Variants in PANK4 observed in about 807,000 individuals in gnomAD.
PANK4 encodes the protein 4'-phosphopantetheine phosphatase.
A neutral mutation model predicts 87.9 loss-of-function variants in PANK4; 40 were observed. The ratio of observed to expected loss-of-function variants is 0.46; its 90% CI spans 0.35 to 0.59. PANK4 has a LOEUF of 0.59. PANK4 is among the 20% of genes least tolerant of loss of function. The pLI is 0.00. For synonymous variants in PANK4, 524 were observed against 467.4 expected (o/e 1.12, Z -1.56); for missense variants, 926 against 1,072.3 (o/e 0.86, Z 1.90).
Position 2,510,739 on chromosome 1 carries a change from C to T in PANK4, c.1877G>A (p.Gly626Glu). Reference protein sequence around the residue: ...KCALIFADNSGIDIILGVFPF... With the variant: ...KCALIFADNSEIDIILGVFPF... ...GAAGACTCCCAAAATGATGTCTATT[C>T]CACTGTTATCTGCGAAAATTAAGGC... The change falls in exon 16 of 19, where the codon GGA becomes GAA. Residue 626 changes from glycine to glutamate, a missense_variant. Coordinates refer to ENST00000378466, the MANE Select transcript of PANK4 (RefSeq NM_018216.4). The surrounding 1 kb of genome is among the most constrained non-coding windows in gnomAD (Gnocchi z 4.9). The T allele has an allele frequency of 6.2e-7, 1 of 1,612,612 alleles. No homozygotes were observed. Among genetic ancestry groups the T allele is most frequent in the South Asian group, 1.1e-5 (1 of 91,066 alleles).
rs1239492419 is a variant in PANK4 at position 2,519,176 on chromosome 1, G to A, written c.1002C>T (p.Arg334=). The A allele has an allele frequency of 6.2e-7, 1 of 1,612,752 alleles. No homozygotes were observed. Among genetic ancestry groups the A allele is most frequent in the Non-Finnish European group, 8.5e-7 (1 of 1,179,916 alleles). Residue 334 remains arginine (R), a synonymous_variant, in exon 7 of 19, where the codon CGC becomes CGT. Transcript: ENST00000378466. The surrounding 1 kb of genome is among the most constrained non-coding windows in gnomAD (Gnocchi z 8.3). ...AGAAGTTGATGCTATAGGTGATGGT[G>A]CGCATGGTCACGGGGTGGCCCCGGA... ...FFIRGHPVTM[R]TITYSINFFS...
In PANK4 at chr1:2,508,902, C is replaced by T. The variant is rs1322436100; in HGVS notation, c.2267G>A (p.Arg756Gln). ...AVIKNAWLAE[R>Q]LGGRLFSVIF... is the part of the protein sequence containing the mutation. ...GACGCTGAAGAGCCGGCCGCCCAGC[C>T]GCTCGGCCAGCCACGCGTTCTTGAT... Residue 756 changes from arginine (R) to glutamine (Q), a missense_variant, in exon 19 of 19, where the codon CGG (arginine) becomes CAG (glutamine). Transcript: ENST00000378466. This position sits in a 1 kb window ranked among gnomAD's most constrained non-coding sequence, Gnocchi z 5.1. The T allele has an allele frequency of 2.5e-6, 4 of 1,609,622 alleles. No individual in the cohort carries two copies. Among genetic ancestry groups the T allele is most frequent in the Non-Finnish European group, 3.4e-6 (4 of 1,178,470 alleles).
Position 2,511,392 on chromosome 1 carries a change from G to C in PANK4, c.1784-5C>G. 1.2e-6 allele frequency: 2 copies of C among 1,605,908 alleles called. No homozygotes were observed. The highest frequency in any genetic ancestry group is 1.7e-6 in the Non-Finnish European group (2 of 1,173,454). On this transcript the variant is annotated splice_region_variant and splice_polypyrimidine_tract_variant and intron_variant, in intron 14 of 18. Transcript: ENST00000378466. ...AATCCACGAGCCAGGGTCTTTCTGA[G>C]ACAGAGAGAGGGACACATGATTAGC...
chr1:2,511,741 G>A, intron 13 of PANK4, 58 bp from the exon 14 acceptor site: 2 of 1,043,818 alleles, frequency 1.9e-6, no homozygotes, highest in South Asian at 1.3e-5. Flanking sequence ...TTCAGCCACA[G>A]TGCTCAATGT....
Position 2,515,885 on chromosome 1 carries a change from G to T in PANK4, c.1219-168C>A. On this transcript the variant is annotated intron_variant, in intron 9 of 18. Transcript: ENST00000378466. This position sits in a 1 kb window ranked among gnomAD's most constrained non-coding sequence, Gnocchi z 5.0. ...CACTGGGCCCCCTCAGCTGCCCGGC[G>T]GCCTGAGCCGGATACCTTGACTTAC... 2 of 682,810 alleles carry T rather than the reference G, an allele frequency of 2.9e-6. No homozygotes were observed. The highest frequency in any genetic ancestry group is 4.9e-6 in the Non-Finnish European group (2 of 406,866). The allele number at this position is 682,810 out of a possible 1,614,324, so 42.3% of individuals were successfully genotyped here.
chr1:2,515,256 A>G lies in PANK4; in HGVS notation c.1374+306T>C. The G allele has an allele frequency of 1.8e-6, 1 of 562,388 alleles. No homozygotes were observed. Among genetic ancestry groups the G allele is most frequent in the Non-Finnish European group, 3.4e-6 (1 of 294,210 alleles). The allele number at this position is 562,388 out of a possible 1,614,324, so 34.8% of individuals were successfully genotyped here. On this transcript the variant is annotated intron_variant, in intron 10 of 18. Coordinates refer to ENST00000378466, the MANE Select transcript of PANK4 (RefSeq NM_018216.4). The surrounding 1 kb of genome is among the most constrained non-coding windows in gnomAD (Gnocchi z 5.0). The stretch of plus-strand genomic sequence containing the variant: ...ACAATGCCTCCCGCACCTCAGTCAC[A>G]CCTCAAAAGAGCAGAGACGTCTCCT...
At position 2,508,733 on chromosome 1, in the gene PANK4, T is replaced by C; in HGVS notation, c.*114A>G. The C allele has an allele frequency of 1.5e-6, 1 of 681,486 alleles. No individual in the cohort carries two copies. The highest frequency in any genetic ancestry group is 2.6e-6 in the Non-Finnish European group (1 of 383,700). 42.2% of individuals were successfully genotyped at this position (681,486 alleles called of 1,614,324 possible). ...CGCATCTGTGCGGCTGGGGTGTATG[T>C]GCCGCGTCACAGCAGTACCATATAA... On this transcript the variant is annotated 3_prime_UTR_variant, in exon 19 of 19. Transcript: ENST00000378466. This position sits in a 1 kb window ranked among gnomAD's most constrained non-coding sequence, Gnocchi z 5.1.
At chr1:2,513,067 G>A (rs767169107) in intron 12 of PANK4, 28 bp from the exon 13 acceptor site, 3 of 1,565,218 alleles carry the variant, frequency 1.9e-6, no homozygotes, top group Admixed American at 1.8e-5. Flanking sequence ...TGCCAGGCCT[G>A]AGTGAAGACG....
Position 2,523,175 on chromosome 1 carries a change from T to C in PANK4, c.125-1375A>G, listed in dbSNP as rs1173130553. Among the ~76,000 whole-genome samples the C allele has an allele frequency of 4.6e-5, 7 of 152,304 alleles. No homozygotes were observed. In the South Asian group the frequency reaches 6.2e-4, roughly 14 times the overall value. On this transcript the variant is annotated intron_variant, in intron 1 of 18. Transcript: ENST00000378466. ...TTGGAAACACCAAGCAAACAGCCAA[T>C]GCTGTTCATGTAGCAAAACCCACCG...
chr1:2,524,329 A>G (rs1399421582), intron 1 of PANK4, among the ~76,000 whole-genome samples: 3 of 152,024 alleles, frequency 2.0e-5, no homozygotes, highest in African/African-American at 7.3e-5. Context: ...CTGCTTTTAA[A>G]CAACACTGTT....
chr1:2,522,407 G>A (rs1643882403), intron 1 of PANK4, among the ~76,000 whole-genome samples: 1 of 152,162 alleles, frequency 6.6e-6, no homozygotes, highest in African/African-American at 2.4e-5. Context: ...TTTCCCCACA[G>A]GCCAAAGTCT....
chr1:2,510,414 A>G lies in PANK4; in HGVS notation c.1939-257T>C. ...GCCTGTCTGTGAAGTCACAGCCCCA[A>G]AGCCTCCTTGCTGTGAGCACCCTTC... On this transcript the variant is annotated intron_variant, in intron 16 of 18. Coordinates refer to ENST00000378466, the MANE Select transcript of PANK4 (RefSeq NM_018216.4). The surrounding 1 kb of genome is among the most constrained non-coding windows in gnomAD (Gnocchi z 4.9). 2 of 597,616 alleles carry G rather than the reference A, an allele frequency of 3.3e-6. No homozygotes were observed. Among genetic ancestry groups the G allele is most frequent in the South Asian group, 2.0e-5 (1 of 49,924 alleles). The allele number at this position is 597,616 out of a possible 1,614,324, so 37.0% of individuals were successfully genotyped here.
chr1:2,521,734 A>G lies in PANK4; in HGVS notation c.191T>C (p.Phe64Ser). 1 of 1,613,924 alleles carries G rather than the reference A, an allele frequency of 6.2e-7. No homozygotes were observed. The highest frequency in any genetic ancestry group is 2.2e-5 in the East Asian group (1 of 44,886). The part of the protein sequence containing the change: ...VQHKVAKVRS[F>S]DHSGKDTERE... ...CAGGCTCACCTTTCCGGAGTGGTCGAAAGACCGCACCTTGGCGACTTTGTG... is the reference window on the plus strand; with the variant it reads ...CAGGCTCACCTTTCCGGAGTGGTCGGAAGACCGCACCTTGGCGACTTTGTG... The change falls in exon 2 of 19, where the codon TTC (phenylalanine) becomes TCC (serine). Residue 64 changes from phenylalanine to serine, a missense_variant. Physicochemically the swap from Phe to Ser is radical, Grantham distance 155. Coordinates refer to ENST00000378466, the MANE Select transcript of PANK4 (RefSeq NM_018216.4).
intron 1 of PANK4, among the ~76,000 whole-genome samples, chr1:2,522,816 G>GTGTGTGCTATAGT (rs1643887691): frequency 6.3e-4 from 2 of 3,200 alleles, no homozygotes; most frequent in South Asian, 8.6e-3. Context: ...GGAGGGCACT[G>GTGTGTGCTATAGT]GATGGTGCTA....
At chr1:2,511,943 C>A (rs1259848287) in intron 13 of PANK4, among the ~76,000 whole-genome samples, 1 of 152,236 alleles carries the variant, frequency 6.6e-6, no homozygotes, top group African/African-American at 2.4e-5. Context: ...ACGTGAAGAC[C>A]CCAAATCACT....
intron 9 of PANK4, among the ~76,000 whole-genome samples, chr1:2,517,758 C>T (rs777587102): frequency 2.6e-5 from 4 of 152,238 alleles, no homozygotes; most frequent in Non-Finnish European, 5.9e-5. Flanking sequence ...CCACAGTGCG[C>T]GGCAGTGTGC....
In PANK4 at chr1:2,509,853, C is replaced by T. The variant is rs767633324; in HGVS notation, c.2108+9G>A. ...GGAGGGAGAGAACAGGTGCAGGGTG[C>T]GGGGTTACCTGAGGTCGAGGCACGG... On this transcript the variant is annotated intron_variant, in intron 18 of 18. Transcript: ENST00000378466. This position sits in a 1 kb window ranked among gnomAD's most constrained non-coding sequence, Gnocchi z 4.9. The T allele has an allele frequency of 2.4e-5, 38 of 1,609,246 alleles. No homozygotes were observed. Among genetic ancestry groups the T allele is most frequent in the Middle Eastern group, 3.9e-4 (2 of 5,092 alleles).
At chr1:2,513,949 G>C (rs1354013705) in intron 12 of PANK4, 53 bp downstream of exon 12, 2 of 1,305,406 alleles carry the variant, frequency 1.5e-6, no homozygotes, top group African/African-American at 2.9e-5. Flanking sequence ...GACACGCGGT[G>C]CCAGCGGGAC....
In PANK4 at chr1:2,518,931, T is replaced by C. The variant is rs923649965; in HGVS notation, c.1035+212A>G. Among the ~76,000 whole-genome samples, 5 of 152,352 alleles carry C rather than the reference T, an allele frequency of 3.3e-5. No homozygotes were observed. The East Asian group carries it at 9.7e-4, about 29-fold the overall frequency. ...CAGGCCTGCCTGGAGCTCTCTAGAA[T>C]GCTCATCACTGGTGATGTACTCAAA... On this transcript the variant is annotated intron_variant, in intron 7 of 18. Coordinates refer to ENST00000378466, the MANE Select transcript of PANK4 (RefSeq NM_018216.4).
Sources: allele counts gnomAD v4.1 joint callset (sites outside exome capture counted in the v4.1 genomes callset), GRCh38; gene constraint gnomAD v4.1.1; non-coding constraint Gnocchi (gnomAD v3.1); transcripts MANE v1.5; gene names NCBI Gene and HGNC (gene_info 2026-07-23, HGNC 2026-07-21).